Variants in NNT observed in about 807,000 individuals in gnomAD.
NNT encodes the protein NAD(P) transhydrogenase, mitochondrial.
A neutral mutation model predicts 104.8 loss-of-function variants in NNT; 50 were observed. The ratio of observed to expected loss-of-function variants is 0.48; its 90% CI spans 0.38 to 0.60. The LOEUF is 0.60. Among genes scored for constraint, NNT ranks in the 20% least tolerant of loss-of-function variants. The pLI, the probability that NNT is intolerant of heterozygous loss-of-function variation, is 0.00. For synonymous variants in NNT, 461 were observed against 490.4 expected, an observed-to-expected ratio of 0.94 and a Z score of 0.79; for missense variants, 1,131 against 1,330.7, an observed-to-expected ratio of 0.85 and a Z score of 2.33.
chr5:43,700,330 T>G (rs1742784569), intron 20 of NNT, 93 bp downstream of exon 20: 1 of 814,090 alleles, frequency 1.2e-6, no homozygotes. Context: ...CAGTGAAGAC[T>G]GACTAGTCAG....
At chr5:43,694,608 C>A (rs1421743861) in intron 19 of NNT, among the ~76,000 whole-genome samples, 1 of 152,162 alleles carries the variant, frequency 6.6e-6, no homozygotes, top group Non-Finnish European at 1.5e-5. Flanking sequence ...GTTGAACCAA[C>A]CTTGCATCCC....
intron 4 of NNT, among the ~76,000 whole-genome samples, chr5:43,616,834 AGGCT>A (rs1295182446): frequency 6.6e-6 from 1 of 152,226 alleles, no homozygotes; most frequent in African/African-American, 2.4e-5. Flanking sequence ...AAATGGGATA[AGGCT>A]TATGAATCAA....
chr5:43,617,999 A>G (rs151243634), intron 4 of NNT, among the ~76,000 whole-genome samples: 4,400 of 152,294 alleles, frequency 0.029, 109 homozygotes, highest in Middle Eastern at 0.061. Context: ...GAGTTTTAAT[A>G]GTTGCTTTAT....
At chr5:43,603,785 G>T (rs1173375859) in intron 1 of NNT, among the ~76,000 whole-genome samples, 2 of 152,090 alleles carry the variant, frequency 1.3e-5, no homozygotes, top group Non-Finnish European at 2.9e-5. Flanking sequence ...CCTTGAGGGA[G>T]TTCGGAGAGG....
At chr5:43,682,383 G>A (rs968768205) in intron 19 of NNT, among the ~76,000 whole-genome samples, 1 of 151,900 alleles carries the variant, frequency 6.6e-6, no homozygotes, top group South Asian at 2.1e-4. Flanking sequence ...ACTAATTTTT[G>A]TATTTTTAGT....
At position 43,707,363 on chromosome 5, in the gene NNT, G is replaced by A; in HGVS notation, c.*2959G>A. 6.6e-6 allele frequency: 1 copy of A among 152,062 alleles called. No individual in the cohort carries two copies. Among genetic ancestry groups the A allele is most frequent in the Admixed American group, 6.5e-5 (1 of 15,292 alleles). 9.4% of individuals were successfully genotyped at this position (152,062 alleles called of 1,614,324 possible). A position where few individuals can be genotyped will look rare whatever the true frequency, so the allele number is the denominator to read the frequency against. On this transcript the variant is annotated 3_prime_UTR_variant, in exon 22 of 22. Coordinates refer to ENST00000344920, the MANE Select transcript of NNT (RefSeq NM_182977.3). ...ACAATGTATATATACTTAAAAATAT[G>A]TTATACACAATAAATACATACATTA...
At chr5:43,623,977 T>G (rs770766601) in intron 5 of NNT, 55 bp from the exon 6 acceptor site, 11 of 1,526,182 alleles carry the variant, frequency 7.2e-6, no homozygotes, top group Non-Finnish European at 9.1e-6. Context: ...TAGCTGATGA[T>G]TTTTCATTAT....
intron 19 of NNT, among the ~76,000 whole-genome samples, chr5:43,694,192 G>A (rs1742434464): frequency 6.6e-6 from 1 of 152,166 alleles, no homozygotes; most frequent in Admixed American, 6.5e-5. Flanking sequence ...AAGACTGTGG[G>A]GTTTGCTAGA....
chr5:43,645,212 AATG>A lies in NNT; in HGVS notation c.1291-141_1291-139del, dbSNP rs1739319038. 9.4e-6 allele frequency: 4 copies of A among 424,082 alleles called. No individual in the cohort carries two copies. In the South Asian group the frequency reaches 3.1e-4, roughly 33 times the overall value. 26.3% of individuals were successfully genotyped at this position (424,082 alleles called of 1,614,324 possible). ...ATATGTATGTGACATATTTATGTAA[AATG>A]ATGTTACAAATTATATGAATTTATA... On this transcript the variant is annotated intron_variant, in intron 9 of 21. Transcript: ENST00000344920.
chr5:43,606,737 G>A (rs1350408811), intron 1 of NNT, among the ~76,000 whole-genome samples: 3 of 152,104 alleles, frequency 2.0e-5, no homozygotes, highest in Non-Finnish European at 4.4e-5. Context: ...CTCTGAGCTT[G>A]TGTTACTCTG....
intron 17 of NNT, among the ~76,000 whole-genome samples, chr5:43,671,985 T>C (rs1741124766): frequency 6.6e-6 from 1 of 152,188 alleles, no homozygotes; most frequent in Non-Finnish European, 1.5e-5. Flanking sequence ...CTTCATTTCT[T>C]TTTACTATTT....
At chr5:43,701,161 A>G (rs1355925664) in intron 20 of NNT, among the ~76,000 whole-genome samples, 1 of 152,066 alleles carries the variant, frequency 6.6e-6, no homozygotes, top group African/African-American at 2.4e-5. Flanking sequence ...TTACCTGGTT[A>G]TACTGTGGGA....
intron 11 of NNT, 53 bp from the exon 12 acceptor site, chr5:43,650,424 T>C: frequency 7.8e-7 from 1 of 1,281,804 alleles, no homozygotes; most frequent in Non-Finnish European, 1.1e-6. Context: ...GCTATGATAT[T>C]TGATTTGGTG....
intron 7 of NNT, among the ~76,000 whole-genome samples, chr5:43,631,969 G>GA (rs34558570): frequency 0.076 from 7,787 of 102,732 alleles, 312 homozygotes; most frequent in African/African-American, 0.14. Context: ...TTTCTTTTGG[G>GA]AAAAAAAAAA....
At chr5:43,656,847 G>T in intron 16 of NNT, 34 bp downstream of exon 16, 2 of 1,573,826 alleles carry the variant, frequency 1.3e-6, no homozygotes, top group East Asian at 2.3e-5. Flanking sequence ...TACATATTTG[G>T]TGAAGAACTG....
chr5:43,620,637 A>G (rs924074149), intron 5 of NNT, among the ~76,000 whole-genome samples: 3 of 151,540 alleles, frequency 2.0e-5, no homozygotes, highest in Non-Finnish European at 2.9e-5. Context: ...TATTGTTTTG[A>G]AAAACAGGCC....
intron 17 of NNT, among the ~76,000 whole-genome samples, chr5:43,665,723 C>T (rs1481169288): frequency 5.3e-5 from 5 of 94,972 alleles, no homozygotes; most frequent in Non-Finnish European, 1.2e-4. Context: ...CATCATGGCC[C>T]GTTCTCAAGG....
rs1009819607 is a variant in NNT at position 43,650,502 on chromosome 5, A to G, written c.1632A>G (p.Ala544=). Reference sequence around the variant, plus strand: ...GGCTGACTGCAGTTGGTGGGTTGGCACTGATGGGAGGACATTTGTATCCTT... The same window carrying G: ...GGCTGACTGCAGTTGGTGGGTTGGCGCTGATGGGAGGACATTTGTATCCTT... ...ISGLTAVGGL[A]LMGGHLYPST... The change falls in exon 12 of 22, where the codon GCA becomes GCG. Residue 544 remains alanine, a synonymous_variant. Coordinates refer to ENST00000344920, the MANE Select transcript of NNT (RefSeq NM_182977.3). The G allele has an allele frequency of 3.7e-6, 6 of 1,613,996 alleles. No individual in the cohort carries two copies. The African/African-American group carries it at 8.0e-5, about 22-fold the overall frequency.
chr5:43,704,160 C>A, intron 21 of NNT, 95 bp from the exon 22 acceptor site: 1 of 1,088,940 alleles, frequency 9.2e-7, no homozygotes, highest in Non-Finnish European at 1.3e-6. Context: ...TGGTACATGC[C>A]TTGTTCAAAG....
Sources: allele counts gnomAD v4.1 joint callset (sites outside exome capture counted in the v4.1 genomes callset), GRCh38; gene constraint gnomAD v4.1.1; transcripts MANE v1.5; gene names NCBI Gene and HGNC (gene_info 2026-07-23, HGNC 2026-07-21).